VWC2: variants seen among roughly 807,000 people sequenced by gnomAD.
The protein encoded by VWC2 is brorin.
Under a neutral mutation model 29.8 loss-of-function variants are expected in VWC2, and 14 were observed. That is an observed-to-expected ratio of 0.47 (90% CI 0.31 to 0.74). The LOEUF (loss-of-function observed/expected upper bound fraction) is 0.74. Ranked by LOEUF, VWC2 falls within the 30% of genes least tolerant of loss-of-function variation. The pLI, the probability that VWC2 is intolerant of heterozygous loss-of-function variation, is 0.05. For missense variants in VWC2, 457 were observed against 459.8 expected (o/e 0.99, Z 0.05); for synonymous variants, 213 against 199.0 (o/e 1.07, Z -0.59).
chr7:49,797,665 G>C (rs1337432056), intron 2 of VWC2, among the ~76,000 whole-genome samples: 2 of 152,096 alleles, frequency 1.3e-5, no homozygotes, highest in African/African-American at 4.8e-5. Flanking sequence ...CTGAAAAATG[G>C]TATAAGTAGT....
intron 3 of VWC2, among the ~76,000 whole-genome samples, chr7:49,907,206 C>T (rs916081223): frequency 1.3e-5 from 2 of 152,000 alleles, no homozygotes; most frequent in Non-Finnish European, 2.9e-5. Flanking sequence ...AAGTTACACT[C>T]GAAGGATAAA....
chr7:49,800,830 C>CA (rs1788720634), intron 2 of VWC2, among the ~76,000 whole-genome samples: 1 of 134,918 alleles, frequency 7.4e-6, no homozygotes, highest in Admixed American at 7.9e-5. Context: ...CAATAAAGAG[C>CA]ACCACTGGTT....
intron 2 of VWC2, among the ~76,000 whole-genome samples, chr7:49,791,833 A>C (rs1788467870): frequency 6.6e-6 from 1 of 152,148 alleles, no homozygotes; most frequent in East Asian, 1.9e-4. Flanking sequence ...TTTGGCTCTC[A>C]GTCTGTAAAA....
rs1793864162 is a variant in VWC2 at position 49,918,880 on chromosome 7, G to A, written c.*6695G>A. ...TTTGAGGCCAACCTGACCAACATGT[G>A]AAACCCCATCTCTACTAAAAATACA... is the stretch of plus-strand genomic sequence containing the variant. On this transcript the variant is annotated 3_prime_UTR_variant, in exon 4 of 4. Transcript: ENST00000340652. 6.6e-6 allele frequency: 1 copy of A among 152,144 alleles called. No individual in the cohort carries two copies. The highest frequency in any genetic ancestry group is 1.5e-5 in the Non-Finnish European group (1 of 68,076). The allele number at this position is 152,144 out of a possible 1,614,324, so 9.4% of individuals were successfully genotyped here. A position where few individuals can be genotyped will look rare whatever the true frequency, so the allele number is the denominator to read the frequency against.
rs371778744 is a variant in VWC2, at chr7:49,776,002, G to A, written c.567G>A (p.Gln189=). Residue 189 remains glutamine, a synonymous_variant, in exon 2 of 4, where the codon CAG becomes CAA. Coordinates refer to ENST00000340652, the MANE Select transcript of VWC2 (RefSeq NM_198570.5). ...CCGAGGAGGGGCCGCTGTGCGCGCA[G>A]CCCGAGTGCCCGAGGCTGCACCCGC... ...LCTEEGPLCA[Q]PECPRLHPRC... The A allele has an allele frequency of 2.5e-5, 38 of 1,543,958 alleles. No individual in the cohort carries two copies. In the African/African-American group the frequency reaches 3.0e-4, roughly 12 times the overall value.
chr7:49,847,439 C>T (rs1267579734), intron 3 of VWC2, among the ~76,000 whole-genome samples: 1 of 152,028 alleles, frequency 6.6e-6, no homozygotes, highest in Non-Finnish European at 1.5e-5. Context: ...TTGCAGGGAT[C>T]CCTGACCATT....
chr7:49,856,879 G>A (rs1236272061), intron 3 of VWC2, among the ~76,000 whole-genome samples: 1 of 151,734 alleles, frequency 6.6e-6, no homozygotes, highest in East Asian at 1.9e-4. Context: ...CGTGGTGGCG[G>A]GCGCCTGTAG....
chr7:49,776,173 G>C, intron 2 of VWC2, 42 bp downstream of exon 2: 1 of 1,457,568 alleles, frequency 6.9e-7, no homozygotes, highest in African/African-American at 1.4e-5. Flanking sequence ...CACCTTCCAG[G>C]AAGGGGTGGA....
intron 3 of VWC2, among the ~76,000 whole-genome samples, chr7:49,893,990 T>C (rs751216148): frequency 7.2e-5 from 11 of 152,170 alleles, no homozygotes; most frequent in Admixed American, 1.3e-4. Context: ...GGAGTTCTGC[T>C]CCATGGGGGC....
chr7:49,871,068 G>A (rs1332815827), intron 3 of VWC2, among the ~76,000 whole-genome samples: 1 of 152,164 alleles, frequency 6.6e-6, no homozygotes, highest in Admixed American at 6.5e-5. Flanking sequence ...TCAACCCTAA[G>A]AATGGAGAGC....
At chr7:49,907,327 T>G (rs932560153) in intron 3 of VWC2, among the ~76,000 whole-genome samples, 9 of 152,174 alleles carry the variant, frequency 5.9e-5, no homozygotes, top group African/African-American at 2.2e-4. Context: ...TATATGCCAG[T>G]GATAATACAA....
Position 49,776,197 on chromosome 7 carries a change from T to C in VWC2, c.696+66T>C. The C allele has an allele frequency of 3.7e-6, 5 of 1,352,282 alleles. No homozygotes were observed. The Admixed American group carries it at 1.2e-4, about 34-fold the overall frequency. The allele number at this position is 1,352,282 out of a possible 1,614,324, so 83.8% of individuals were successfully genotyped here. A position where few individuals can be genotyped will look rare whatever the true frequency, so the allele number is the denominator to read the frequency against. ...GGAAGGGGTGGAACAGCTTTGGTTC[T>C]GTGGTCCCCCACTTTGAAGAAGAGG... On this transcript the variant is annotated intron_variant, in intron 2 of 3. Transcript: ENST00000340652.
At chr7:49,905,871 G>A (rs886407225) in intron 3 of VWC2, among the ~76,000 whole-genome samples, 1 of 152,210 alleles carries the variant, frequency 6.6e-6, no homozygotes, top group Non-Finnish European at 1.5e-5. Context: ...AGATGGCCAT[G>A]AGAGTGACCT....
At chr7:49,843,191 T>C (rs1288433274) in intron 3 of VWC2, among the ~76,000 whole-genome samples, 1 of 152,232 alleles carries the variant, frequency 6.6e-6, no homozygotes, top group African/African-American at 2.4e-5. Context: ...TTGCTTACTG[T>C]AACCAATAAG....
intron 2 of VWC2, among the ~76,000 whole-genome samples, chr7:49,801,291 G>T (rs982633373): frequency 1.3e-5 from 2 of 152,206 alleles, no homozygotes; most frequent in African/African-American, 4.8e-5. Context: ...CTCAACTGGG[G>T]TCTCCCTGCC....
chr7:49,886,679 T>C (rs1791916570), intron 3 of VWC2, among the ~76,000 whole-genome samples: 1 of 152,158 alleles, frequency 6.6e-6, no homozygotes, highest in Admixed American at 6.5e-5. Context: ...GAGGGGTTTG[T>C]TGTACAGATT....
At chr7:49,850,152 G>A (rs1477764385) in intron 3 of VWC2, among the ~76,000 whole-genome samples, 2 of 152,150 alleles carry the variant, frequency 1.3e-5, no homozygotes, top group East Asian at 1.9e-4. Flanking sequence ...GTGCTGTAAC[G>A]CAGTATTCAG....
intron 2 of VWC2, among the ~76,000 whole-genome samples, chr7:49,788,470 A>T (rs12333903): frequency 0.16 from 21,042 of 128,872 alleles, 4,551 homozygotes; most frequent in African/African-American, 0.48. Flanking sequence ...TGTGTGTGTG[A>T]GAGAGAGTGT....
chr7:49,907,239 G>A (rs1793151894), intron 3 of VWC2, among the ~76,000 whole-genome samples: 2 of 152,174 alleles, frequency 1.3e-5, no homozygotes, highest in Non-Finnish European at 2.9e-5. Context: ...GAAAATGATT[G>A]ACATAATGGC....
Sources: gnomAD v4.1 joint callset for allele counts (sites outside exome capture counted in the v4.1 genomes callset) on GRCh38, gnomAD v4.1.1 for gene constraint, MANE v1.5 for transcripts, NCBI Gene and HGNC (gene_info 2026-07-23, HGNC 2026-07-21) for gene names.